The following NYAP2 variants were observed in gnomAD, a reference collection of about 807,000 sequenced individuals.
The protein encoded by NYAP2 is neuronal tyrosine-phosphorylated phosphoinositide-3-kinase adaptor 2.
In NYAP2, 23 loss-of-function variants were observed where a neutral mutation model predicts 50.4. That is an observed-to-expected ratio of 0.46 (90% CI 0.33 to 0.65). NYAP2 has a LOEUF of 0.65. Among genes scored for constraint, NYAP2 ranks in the 30% least tolerant of loss-of-function variants. The pLI is 0.02. For missense variants in NYAP2, 885 were observed against 861.0 expected (o/e 1.03, Z -0.35); for synonymous variants, 394 against 365.2 (o/e 1.08, Z -0.90).
chr2:225,586,828 A>G (rs1022699213), intron 5 of NYAP2, among the ~76,000 whole-genome samples: 1 of 152,202 alleles, frequency 6.6e-6, no homozygotes, highest in African/African-American at 2.4e-5. Context: ...AATATTTTTT[A>G]AAAGAAATGT....
chr2:225,597,534 T>TA (rs1553554344), intron 5 of NYAP2, among the ~76,000 whole-genome samples: 1 of 123,262 alleles, frequency 8.1e-6, no homozygotes, highest in Non-Finnish European at 1.8e-5. Flanking sequence ...TATATATGTA[T>TA]CACAATTTCC....
intron 5 of NYAP2, among the ~76,000 whole-genome samples, chr2:225,614,095 T>C (rs1314373407): frequency 6.6e-6 from 1 of 152,124 alleles, no homozygotes; most frequent in African/African-American, 2.4e-5. Flanking sequence ...TCAGTAAGAG[T>C]TGTTTCCTCA....
At chr2:225,594,383 G>A (rs984694160) in intron 5 of NYAP2, among the ~76,000 whole-genome samples, 2 of 152,032 alleles carry the variant, frequency 1.3e-5, no homozygotes, top group Non-Finnish European at 2.9e-5. Flanking sequence ...AATTAGTTGG[G>A]TGTGGTGGTG....
At chr2:225,675,913 GTA>G in the NYAP2 span, among the ~76,000 whole-genome samples, 1 of 152,060 alleles carries the variant, frequency 6.6e-6, no homozygotes. Flanking sequence ...AAACATTTTT[GTA>G]TATGTTTGTT....
At chr2:225,459,647 A>T (rs938078826) in intron 3 of NYAP2, among the ~76,000 whole-genome samples, 23 of 149,708 alleles carry the variant, frequency 1.5e-4, no homozygotes, top group East Asian at 1.2e-3. Flanking sequence ...TATTTATTTT[A>T]TTTATTTATT....
At position 225,534,898 on chromosome 2, in the gene NYAP2, C is replaced by T. The variant is rs74892841; in HGVS notation, c.523+21226C>T. Reference sequence around the variant, plus strand: ...AGATCCAGACCTTGTTGGGAGTGCGCAGTTTTGCGTCATCGGAGCCAGAGA... The same window carrying T: ...AGATCCAGACCTTGTTGGGAGTGCGTAGTTTTGCGTCATCGGAGCCAGAGA... On this transcript the variant is annotated intron_variant, in intron 4 of 6. Transcript: ENST00000636099. 5.4e-3 allele frequency among the ~76,000 whole-genome samples: 819 copies of T among 152,286 alleles called. 5 individuals are homozygous for T. The highest frequency in any genetic ancestry group is 0.019 in the African/African-American group (783 of 41,570).
intron 3 of NYAP2, among the ~76,000 whole-genome samples, chr2:225,493,552 AAGGTAACTCAGTGTCTCTACTACTAC>A (rs1318890068): frequency 6.6e-6 from 1 of 152,158 alleles, no homozygotes; most frequent in Non-Finnish European, 1.5e-5. Context: ...GGAGATTTAC[AAGGTAACTCAGTGTCTCTACTACTAC>A]TGCCTTGGTT....
At chr2:225,551,645 C>T (rs1691678756) in intron 4 of NYAP2, among the ~76,000 whole-genome samples, 1 of 152,022 alleles carries the variant, frequency 6.6e-6, no homozygotes, top group South Asian at 2.1e-4. Flanking sequence ...AAGAGATCAA[C>T]CCATCAAAAT....
chr2:225,517,376 A>AGT (rs1690955087), intron 4 of NYAP2, among the ~76,000 whole-genome samples: 1 of 152,098 alleles, frequency 6.6e-6, no homozygotes, highest in African/African-American at 2.4e-5. Context: ...AAAAGGAGGG[A>AGT]GTGTGCACCC....
chr2:225,486,534 C>T (rs1220332978), intron 3 of NYAP2, among the ~76,000 whole-genome samples: 2 of 152,188 alleles, frequency 1.3e-5, no homozygotes, highest in Non-Finnish European at 1.5e-5. Context: ...GTATTAGGTA[C>T]ACTTGATCTC....
chr2:225,562,074 G>A (rs1328885584), intron 4 of NYAP2, among the ~76,000 whole-genome samples: 3 of 152,108 alleles, frequency 2.0e-5, no homozygotes, highest in Non-Finnish European at 4.4e-5. Context: ...GGGAGTGGGA[G>A]CTGCAATTTG....
intron 5 of NYAP2, among the ~76,000 whole-genome samples, chr2:225,599,029 G>A (rs1692654034): frequency 6.6e-6 from 1 of 152,130 alleles, no homozygotes; most frequent in Admixed American, 6.5e-5. Context: ...GTTTCCCTGG[G>A]CTTCAGCTTC....
intron 4 of NYAP2, among the ~76,000 whole-genome samples, chr2:225,529,986 C>T (rs905086468): frequency 5.3e-5 from 8 of 152,246 alleles, no homozygotes; most frequent in Admixed American, 3.3e-4. Context: ...GGATTGCAGG[C>T]GTGAGCCACC....
intron 4 of NYAP2, among the ~76,000 whole-genome samples, chr2:225,545,808 C>T (rs989581530): frequency 1.4e-4 from 22 of 151,966 alleles, no homozygotes; most frequent in African/African-American, 4.3e-4. Flanking sequence ...CTTTGCAGTC[C>T]GGGCTTGTTT....
chr2:225,614,129 T>C (rs1313454798), intron 5 of NYAP2, among the ~76,000 whole-genome samples: 1 of 152,186 alleles, frequency 6.6e-6, no homozygotes, highest in Non-Finnish European at 1.5e-5. Context: ...TTTATTGAAC[T>C]GAGCTGAGAA....
At chr2:225,532,141 C>T (rs972743282) in intron 4 of NYAP2, among the ~76,000 whole-genome samples, 1 of 152,232 alleles carries the variant, frequency 6.6e-6, no homozygotes, top group East Asian at 1.9e-4. Context: ...TTCACTTAGC[C>T]ATTTCTATCA....
chr2:225,446,679 G>C (rs762339347), intron 3 of NYAP2, among the ~76,000 whole-genome samples: 6 of 152,072 alleles, frequency 3.9e-5, no homozygotes, highest in Non-Finnish European at 8.8e-5. Flanking sequence ...ATCCAATTAT[G>C]TAATATTGAT....
the NYAP2 span, among the ~76,000 whole-genome samples, chr2:225,663,434 T>A: frequency 6.6e-6 from 1 of 152,170 alleles, no homozygotes; most frequent in African/African-American, 2.4e-5. Flanking sequence ...CAACTTTGCT[T>A]GGATTTCAAG....
At chr2:225,440,744 G>A (rs929276784) in intron 3 of NYAP2, among the ~76,000 whole-genome samples, 1 of 152,230 alleles carries the variant, frequency 6.6e-6, no homozygotes, top group Non-Finnish European at 1.5e-5. Context: ...AAACTGAGCT[G>A]TGAAGCATGC....
Sources: gnomAD v4.1 joint callset for allele counts (sites outside exome capture counted in the v4.1 genomes callset) on GRCh38, gnomAD v4.1.1 for gene constraint, MANE v1.5 for transcripts, NCBI Gene and HGNC (gene_info 2026-07-23, HGNC 2026-07-21) for gene names.